Variants in DLL4 observed in about 807,000 individuals in gnomAD.
DLL4 encodes the protein delta-like protein 4.
DLL4 carries 7 observed loss-of-function variants against 73.6 expected under a neutral mutation model. The observed-to-expected ratio is 0.10, with a 90% CI of 0.05 to 0.18. DLL4 has a LOEUF of 0.18. Among genes scored for constraint, DLL4 ranks in the 10% least tolerant of loss-of-function variants. The pLI is 1.00. For missense variants in DLL4, 614 were observed against 929.9 expected, an observed-to-expected ratio of 0.66 and a Z score of 4.42; for synonymous variants, 345 against 374.3, an observed-to-expected ratio of 0.92 and a Z score of 0.90.
chr15:40,933,350 C>G (rs1478435100), intron 6 of DLL4, among the ~76,000 whole-genome samples: 3 of 151,992 alleles, frequency 2.0e-5, no homozygotes, highest in South Asian at 4.2e-4. Context: ...CTGGTTCCTG[C>G]TCATTCTCTT....
At chr15:40,935,858 C>G (rs1596194658) in intron 8 of DLL4, among the ~76,000 whole-genome samples, 1 of 152,204 alleles carries the variant, frequency 6.6e-6, no homozygotes, top group Admixed American at 6.5e-5. Context: ...TCCCGGCTAT[C>G]CTATGAAGGG....
At position 40,934,241 on chromosome 15, in the gene DLL4, G is replaced by A. The variant is rs111258544; in HGVS notation, c.851-307G>A. On this transcript the variant is annotated intron_variant, in intron 6 of 10. Coordinates refer to ENST00000249749, the MANE Select transcript of DLL4 (RefSeq NM_019074.4). ...CTTAGAAGGTTGAGGTATGAGAATC[G>A]CTTGAACCCGGAAGGCGAAGGTTGT... 0.031 allele frequency among the ~76,000 whole-genome samples: 4,631 copies of A among 149,802 alleles called. 209 individuals carry two copies. The highest frequency in any genetic ancestry group is 0.11 in the African/African-American group (4,379 of 40,602).
In DLL4 at chr15:40,930,643, A is replaced by T; in HGVS notation, c.355A>T (p.Ile119Phe). Residue 119 changes from isoleucine to phenylalanine, a missense_variant, in exon 3 of 11, where the codon ATC becomes TTC. Physicochemically the swap from Ile to Phe is conservative, Grantham distance 21. Transcript: ENST00000249749. The surrounding 1 kb of genome is among the most constrained non-coding windows in gnomAD (Gnocchi z 5.7). ...FTWPGTFSLI[I>F]EAWHAPGDDL... is the part of the protein sequence containing the mutation. ...TTCCCAGGGTACCTTCTCGCTCATC[A>T]TCGAAGCTTGGCACGCGCCAGGAGA... is the stretch of plus-strand genomic sequence containing the variant. The T allele has an allele frequency of 6.2e-7, 1 of 1,613,730 alleles. No individual in the cohort carries two copies. Among genetic ancestry groups the T allele is most frequent in the Non-Finnish European group, 8.5e-7 (1 of 1,179,868 alleles).
Position 40,929,749 on chromosome 15 carries a change from G to T in DLL4, c.66+15G>T, listed in dbSNP as rs770679832. The T allele has an allele frequency of 6.3e-7, 1 of 1,599,682 alleles. No homozygotes were observed. The highest frequency in any genetic ancestry group is 8.5e-7 in the Non-Finnish European group (1 of 1,176,690). On this transcript the variant is annotated intron_variant, in intron 1 of 10. Transcript: ENST00000249749. This position sits in a 1 kb window ranked among gnomAD's most constrained non-coding sequence, Gnocchi z 7.1. ...TTTGGCAGCAGGTAACACGTCCCGC[G>T]CCCTCTCCGTCCCCTCTGCCGCGCT...
chr15:40,938,939 T>G lies in DLL4; in HGVS notation c.*905T>G, dbSNP rs930617653. 183 of 152,160 alleles carry G rather than the reference T, an allele frequency of 1.2e-3. No homozygotes were observed. Among genetic ancestry groups the G allele is most frequent in the African/African-American group, 4.2e-3 (173 of 41,498 alleles). 9.4% of individuals were successfully genotyped at this position (152,160 alleles called of 1,614,324 possible). On this transcript the variant is annotated 3_prime_UTR_variant, in exon 11 of 11. Coordinates refer to ENST00000249749, the MANE Select transcript of DLL4 (RefSeq NM_019074.4). ...TAATATGAGTTTTTATTTTGTTTTT[T>G]TTTTTTTTTTTGTAGTTTATTTTGG...
rs1461526536 is a variant in DLL4, at chr15:40,929,865, G to T, written c.85G>T (p.Val29Phe). Residue 29 changes from valine to phenylalanine, a missense_variant, in exon 2 of 11, where the codon GTC becomes TTC. Physicochemically the swap from Val to Phe is conservative, Grantham distance 50. Coordinates refer to ENST00000249749, the MANE Select transcript of DLL4 (RefSeq NM_019074.4). The surrounding 1 kb of genome is among the most constrained non-coding windows in gnomAD (Gnocchi z 7.1). Reference protein sequence around the residue: ...LWQQRAAGSGVFQLQLQEFIN... With the variant: ...LWQQRAAGSGFFQLQLQEFIN... ...GCAATAGCGCGCGGCCGGCTCCGGC[G>T]TCTTCCAGCTGCAGCTGCAGGAGTT... The T allele has an allele frequency of 6.2e-7, 1 of 1,611,962 alleles. No homozygotes were observed. Among genetic ancestry groups the T allele is most frequent in the Non-Finnish European group, 8.5e-7 (1 of 1,179,556 alleles).
chr15:40,936,180 AGGGAGCTCCCAGGCTATCAC>A, intron 8 of DLL4, 28 bp from the exon 9 acceptor site: 1 of 1,473,086 alleles, frequency 6.8e-7, no homozygotes, highest in Non-Finnish European at 9.0e-7. Flanking sequence ...CCCCTGCCCC[AGGGAGCTCCCAGGCTATCAC>A]TGACTTGTGT....
At chr15:40,935,725 G>A (rs1466585072) in intron 8 of DLL4, among the ~76,000 whole-genome samples, 1 of 152,176 alleles carries the variant, frequency 6.6e-6, no homozygotes, top group Non-Finnish European at 1.5e-5. Flanking sequence ...ATCACTGAAT[G>A]GGAAACTATA....
At position 40,930,785 on chromosome 15, in the gene DLL4, G is replaced by C. The variant is rs1596192112; in HGVS notation, c.394+103G>C. 9.8e-6 allele frequency: 12 copies of C among 1,229,214 alleles called. No homozygotes were observed. In the East Asian group the frequency reaches 3.0e-4, roughly 31 times the overall value. 76.1% of individuals were successfully genotyped at this position (1,229,214 alleles called of 1,614,324 possible). On this transcript the variant is annotated intron_variant, in intron 3 of 10. Transcript: ENST00000249749. This position sits in a 1 kb window ranked among gnomAD's most constrained non-coding sequence, Gnocchi z 5.7. ...AGTGCGGGCTTGGGGGTGGGAGGCA[G>C]GACGCTTAGCTTGGCCTGGAGCTGC...
At position 40,929,579 on chromosome 15, in the gene DLL4, AC is replaced by A; in HGVS notation, c.-86del. 1 of 1,261,000 alleles carries A rather than the reference AC, an allele frequency of 7.9e-7. No homozygotes were observed. Among genetic ancestry groups the A allele is most frequent in the Non-Finnish European group, 1.1e-6 (1 of 940,328 alleles). 78.1% of individuals were successfully genotyped at this position (1,261,000 alleles called of 1,614,324 possible). A position where few individuals can be genotyped will look rare whatever the true frequency, so the allele number is the denominator to read the frequency against. On this transcript the variant is annotated 5_prime_UTR_variant, in exon 1 of 11. Transcript: ENST00000249749. This position sits in a 1 kb window ranked among gnomAD's most constrained non-coding sequence, Gnocchi z 7.1. ...CCGAGAGGAGCGCCTCTTTTCAGGG[AC>A]CCCGCCGGCTGGCGGACGCGCGGGA... is the stretch of plus-strand genomic sequence containing the variant.
At chr15:40,934,305 G>A (rs1398693254) in intron 6 of DLL4, among the ~76,000 whole-genome samples, 6 of 146,804 alleles carry the variant, frequency 4.1e-5, no homozygotes, top group African/African-American at 1.0e-4. Context: ...CAGCCTGGGC[G>A]ACAGAGTGAG....
In DLL4 at chr15:40,930,098, C is replaced by T; in HGVS notation, c.318C>T (p.Pro106=). ...SGGGRNPLQL[P]FNFTWPGTFS... ...GGGGGCGCAACCCTCTCCAACTGCC[C>T]TTCAATTTCACCTGGCCGGTGAGCA... is the stretch of plus-strand genomic sequence containing the variant. Residue 106 remains proline (P), a synonymous_variant, in exon 2 of 11, where the codon CCC becomes CCT. Transcript: ENST00000249749. This position sits in a 1 kb window ranked among gnomAD's most constrained non-coding sequence, Gnocchi z 5.7. The T allele has an allele frequency of 6.2e-7, 1 of 1,607,164 alleles. No individual in the cohort carries two copies. The highest frequency in any genetic ancestry group is 8.5e-7 in the Non-Finnish European group (1 of 1,177,714).
Position 40,929,564 on chromosome 15 carries a change from C to T in DLL4, c.-105C>T, listed in dbSNP as rs111494897. 1.7e-5 allele frequency: 18 copies of T among 1,061,352 alleles called. 1 individual carries two copies. The South Asian group carries it at 3.0e-4, about 18-fold the overall frequency. The allele number at this position is 1,061,352 out of a possible 1,614,324, so 65.7% of individuals were successfully genotyped here. A position where few individuals can be genotyped will look rare whatever the true frequency, so the allele number is the denominator to read the frequency against. On this transcript the variant is annotated 5_prime_UTR_variant, in exon 1 of 11. Transcript: ENST00000249749. This position sits in a 1 kb window ranked among gnomAD's most constrained non-coding sequence, Gnocchi z 7.1. ...AAGGGGAGCAGCGTCCCGAGAGGAGCGCCTCTTTTCAGGGACCCCGCCGGC... is the reference window on the plus strand; with the variant it reads ...AAGGGGAGCAGCGTCCCGAGAGGAGTGCCTCTTTTCAGGGACCCCGCCGGC...
At chr15:40,934,046 C>T (rs1276815290) in intron 6 of DLL4, among the ~76,000 whole-genome samples, 1 of 104,206 alleles carries the variant, frequency 9.6e-6, no homozygotes, top group Non-Finnish European at 2.0e-5. Flanking sequence ...AAAAAAGAAA[C>T]ATGATTTTAG....
rs746839741 is a variant in DLL4, at chr15:40,936,706, C to T, written c.1719C>T (p.Asp573=). 9.9e-6 allele frequency: 16 copies of T among 1,613,628 alleles called. No individual in the cohort carries two copies. The highest frequency in any genetic ancestry group is 3.3e-4 in the Middle Eastern group (2 of 6,084). Residue 573 remains aspartate (D), a synonymous_variant, in exon 9 of 11, where the codon GAC becomes GAT. Coordinates refer to ENST00000249749, the MANE Select transcript of DLL4 (RefSeq NM_019074.4). ...GSREAMNNLS[D]FQKDNLIPAA... ...GGGAAGCCATGAACAACTTGTCGGA[C>T]TTCCAGAAGGACAACCTGATTCCTG...
chr15:40,935,383 G>A (rs533752744), intron 8 of DLL4, among the ~76,000 whole-genome samples: 3 of 152,318 alleles, frequency 2.0e-5, no homozygotes, highest in Non-Finnish European at 4.4e-5. Context: ...TGGCTGGGGT[G>A]GCCTCTGACC....
At chr15:40,937,948 T>A (rs1892868354) in intron 10 of DLL4, 81 bp from the exon 11 acceptor site, 2 of 1,563,402 alleles carry the variant, frequency 1.3e-6, no homozygotes, top group Admixed American at 3.7e-5. Flanking sequence ...CATCGCCTTC[T>A]CCCAGGGAGG....
Position 40,938,443 on chromosome 15 carries a change from G to A in DLL4, c.*409G>A, listed in dbSNP as rs569255655. The stretch of plus-strand genomic sequence containing the variant: ...AAAGTGCCTTTGGCCCAGGCTCCAC[G>A]GCGACAGTTGGGCCCAAATCAGAAA... On this transcript the variant is annotated 3_prime_UTR_variant, in exon 11 of 11. Coordinates refer to ENST00000249749, the MANE Select transcript of DLL4 (RefSeq NM_019074.4). The A allele has an allele frequency of 5.4e-5, 9 of 166,214 alleles. No homozygotes were observed. The South Asian group carries it at 1.6e-3, about 29-fold the overall frequency. The allele number at this position is 166,214 out of a possible 1,614,324, so 10.3% of individuals were successfully genotyped here.
rs1405767808 is a variant in DLL4 at position 40,929,472 on chromosome 15, C to T, written c.-197C>T. On this transcript the variant is annotated 5_prime_UTR_variant, in exon 1 of 11. Coordinates refer to ENST00000249749, the MANE Select transcript of DLL4 (RefSeq NM_019074.4). The surrounding 1 kb of genome is among the most constrained non-coding windows in gnomAD (Gnocchi z 7.1). ...ACAGAAGACGCGTCCTCGGCGCGGT[C>T]GCCGCCCAGCCGTAGTCACCTGGAT... The T allele has an allele frequency of 1.1e-5, 6 of 566,232 alleles. No homozygotes were observed. The highest frequency in any genetic ancestry group is 1.5e-5 in the Non-Finnish European group (5 of 332,248). The allele number at this position is 566,232 out of a possible 1,614,324, so 35.1% of individuals were successfully genotyped here. A position where few individuals can be genotyped will look rare whatever the true frequency, so the allele number is the denominator to read the frequency against.
Sources: gnomAD v4.1 joint callset for allele counts (sites outside exome capture counted in the v4.1 genomes callset) on GRCh38, gnomAD v4.1.1 for gene constraint, Gnocchi (gnomAD v3.1) non-coding constraint, MANE v1.5 for transcripts, NCBI Gene and HGNC (gene_info 2026-07-23, HGNC 2026-07-21) for gene names.